Variants in COMMD10 observed in about 807,000 individuals in gnomAD.
COMMD10 encodes COMM domain containing 10, also known as COMM domain-containing protein 10.
A neutral mutation model predicts 28.9 loss-of-function variants in COMMD10; 33 were observed. The ratio of observed to expected loss-of-function variants is 1.14; its 90% CI spans 0.87 to 1.53. The LOEUF (loss-of-function observed/expected upper bound fraction) is 1.53, where lower values mean the gene tolerates loss of function less well. COMMD10 is among the 40% of genes most tolerant of loss of function. The probability of loss-of-function intolerance (pLI) is 0.00; values close to 1 mark genes in which losing one functional copy is unlikely to be tolerated. For missense variants in COMMD10, 310 were observed against 233.4 expected, an observed-to-expected ratio of 1.33 and a Z score of -2.14; for synonymous variants, 110 against 81.7, an observed-to-expected ratio of 1.35 and a Z score of -1.87.
At chr5:116,271,408 A>G (rs1247027049) in intron 5 of COMMD10, among the ~76,000 whole-genome samples, 1 of 150,506 alleles carries the variant, frequency 6.6e-6, no homozygotes, top group Middle Eastern at 3.2e-3. Context: ...GCATCCCCAA[A>G]TAGAAGTTAG....
At chr5:116,219,290 C>G (rs984011430) in intron 5 of COMMD10, among the ~76,000 whole-genome samples, 1 of 152,110 alleles carries the variant, frequency 6.6e-6, no homozygotes, top group Non-Finnish European at 1.5e-5. Context: ...ACAGTTTTCT[C>G]CCTTTCCCTT....
chr5:116,230,821 A>T (rs1283196708), intron 5 of COMMD10, among the ~76,000 whole-genome samples: 1 of 152,106 alleles, frequency 6.6e-6, no homozygotes, highest in Non-Finnish European at 1.5e-5. Context: ...TCCTTGAATC[A>T]GTCCAAATAC....
In COMMD10 at chr5:116,124,954, G is replaced by A. The variant is rs190984677; in HGVS notation, c.400-9114G>A. Among the ~76,000 whole-genome samples, 55 of 152,096 alleles carry A rather than the reference G, an allele frequency of 3.6e-4. No individual in the cohort carries two copies. In the East Asian group the frequency reaches 6.0e-3, roughly 17 times the overall value. ...CTCTATCCCTTTATTTTGAACCTAT[G>A]TGTGTCTCTGCACGTGAAGTGGTTC... On this transcript the variant is annotated intron_variant, in intron 4 of 6. Transcript: ENST00000274458.
chr5:116,229,677 T>G (rs942765514), intron 5 of COMMD10, among the ~76,000 whole-genome samples: 1 of 152,008 alleles, frequency 6.6e-6, no homozygotes, highest in Non-Finnish European at 1.5e-5. Context: ...GAAAACAAAT[T>G]ATGACAGTAT....
chr5:116,283,285 C>G (rs868215502), intron 5 of COMMD10, among the ~76,000 whole-genome samples: 2 of 151,732 alleles, frequency 1.3e-5, no homozygotes, highest in Admixed American at 1.3e-4. Flanking sequence ...AAAACTTATT[C>G]ATTTGTATGG....
At chr5:116,154,723 A>T (rs1041246810) in intron 5 of COMMD10, among the ~76,000 whole-genome samples, 3 of 152,224 alleles carry the variant, frequency 2.0e-5, no homozygotes, top group African/African-American at 7.2e-5. Flanking sequence ...CCTTGACCAC[A>T]GAACTTACTT....
intron 5 of COMMD10, among the ~76,000 whole-genome samples, chr5:116,265,122 G>C (rs1162223026): frequency 6.6e-6 from 1 of 151,778 alleles, no homozygotes; most frequent in Non-Finnish European, 1.5e-5. Flanking sequence ...TTGGTGGTCT[G>C]TGTTCAAGAG....
At chr5:116,099,311 A>T (rs1326181786) in intron 4 of COMMD10, among the ~76,000 whole-genome samples, 3 of 152,110 alleles carry the variant, frequency 2.0e-5, no homozygotes, top group Non-Finnish European at 4.4e-5. Context: ...TTTCTTTTTA[A>T]AGGTTGAATA....
At chr5:116,203,702 T>A (rs574242040) in intron 5 of COMMD10, among the ~76,000 whole-genome samples, 2 of 152,048 alleles carry the variant, frequency 1.3e-5, no homozygotes, top group Non-Finnish European at 2.9e-5. Context: ...AGAGATTTTG[T>A]CACCACCAGG....
At chr5:116,171,040 T>C (rs1753311314) in intron 5 of COMMD10, among the ~76,000 whole-genome samples, 1 of 152,050 alleles carries the variant, frequency 6.6e-6, no homozygotes, top group Admixed American at 6.5e-5. Context: ...ATCATCAGAG[T>C]GAAAAGACTA....
At chr5:116,090,056 T>C (rs977194644) in intron 2 of COMMD10, among the ~76,000 whole-genome samples, 10 of 152,202 alleles carry the variant, frequency 6.6e-5, no homozygotes, top group African/African-American at 2.2e-4. Context: ...ACTGGTACTT[T>C]TATTTTATTA....
chr5:116,170,209 G>A (rs1172549398), intron 5 of COMMD10, among the ~76,000 whole-genome samples: 1 of 152,114 alleles, frequency 6.6e-6, no homozygotes, highest in African/African-American at 2.4e-5. Flanking sequence ...CAAACTGAGA[G>A]CCAAATCATG....
At chr5:116,149,703 G>C (rs1049483356) in intron 5 of COMMD10, among the ~76,000 whole-genome samples, 1 of 149,036 alleles carries the variant, frequency 6.7e-6, no homozygotes, top group East Asian at 2.0e-4. Context: ...TGATGGGGTT[G>C]TTTGTTTTTT....
At chr5:116,161,963 G>C (rs1246664184) in intron 5 of COMMD10, among the ~76,000 whole-genome samples, 1 of 152,136 alleles carries the variant, frequency 6.6e-6, no homozygotes, top group Non-Finnish European at 1.5e-5. Context: ...TTTTTAAAAT[G>C]AGAAACCAGA....
intron 5 of COMMD10, among the ~76,000 whole-genome samples, chr5:116,197,475 G>T (rs557163454): frequency 6.6e-6 from 1 of 151,942 alleles, no homozygotes; most frequent in Non-Finnish European, 1.5e-5. Context: ...TCTACCTCCT[G>T]GGCTCAAGTG....
intron 4 of COMMD10, among the ~76,000 whole-genome samples, chr5:116,098,667 G>A (rs909875947): frequency 6.6e-6 from 1 of 152,112 alleles, no homozygotes; most frequent in Non-Finnish European, 1.5e-5. Flanking sequence ...CTGCAGTTTT[G>A]GGTGTCTGTA....
At chr5:116,205,953 C>A (rs75445181) in intron 5 of COMMD10, among the ~76,000 whole-genome samples, 4,363 of 150,542 alleles carry the variant, frequency 0.029, 105 homozygotes, top group East Asian at 0.14. Flanking sequence ...TTTTTCCTCC[C>A]TTGTTAGTTT....
At chr5:116,099,342 T>TC (rs113476800) in intron 4 of COMMD10, among the ~76,000 whole-genome samples, 8,215 of 152,250 alleles carry the variant, frequency 0.054, 314 homozygotes, top group African/African-American at 0.11. Context: ...CATTATCTGT[T>TC]CATTTGTTGA....
chr5:116,292,543 T>C lies in COMMD10; in HGVS notation c.*54T>C, dbSNP rs2112719848. The C allele has an allele frequency of 3.4e-6, 5 of 1,462,304 alleles. No homozygotes were observed. Among genetic ancestry groups the C allele is most frequent in the South Asian group, 2.6e-5 (2 of 77,738 alleles). 90.6% of individuals were successfully genotyped at this position (1,462,304 alleles called of 1,614,324 possible). On this transcript the variant is annotated 3_prime_UTR_variant, in exon 7 of 7. Transcript: ENST00000274458. ...GCTCCTGCCACCTCATTATTTTGCA[T>C]TGAAGATACATTGCCAGGTTGTGTT...
Sources: gnomAD v4.1 joint callset for allele counts (sites outside exome capture counted in the v4.1 genomes callset) on GRCh38, gnomAD v4.1.1 for gene constraint, MANE v1.5 for transcripts, NCBI Gene and HGNC (gene_info 2026-07-23, HGNC 2026-07-21) for gene names.